The following SP6 variants were observed in gnomAD, a reference collection of about 807,000 sequenced individuals.
SP6 encodes Sp6 transcription factor.
A neutral mutation model predicts 23.4 loss-of-function variants in SP6; 10 were observed. The ratio of observed to expected loss-of-function variants is 0.43; its 90% CI spans 0.26 to 0.72. SP6 has a LOEUF of 0.72. Ranked by LOEUF, SP6 falls within the 30% of genes least tolerant of loss-of-function variation. The pLI is 0.23. For missense variants in SP6, 482 were observed against 523.8 expected (o/e 0.92, Z 0.78); for synonymous variants, 238 against 238.7 (o/e 1.00, Z 0.03).
Position 47,848,187 on chromosome 17 carries a change from C to T in SP6, c.243G>A (p.Leu81=). Residue 81 remains leucine (L), a synonymous_variant, in exon 2 of 2, where the codon CTG becomes CTA. Coordinates refer to ENST00000536300, the MANE Select transcript of SP6 (RefSeq NM_001258248.2). This position sits in a 1 kb window ranked among gnomAD's most constrained non-coding sequence, Gnocchi z 5.3. ...CCGGGGCCAAGGGACTGTCGCTTTC[C>T]AGGTCCTCGCAGGTTACCCGCGAGG... ...GASSRVTCED[L]ESDSPLAPGP... is the part of the protein sequence containing the mutation. The T allele has an allele frequency of 1.9e-6, 3 of 1,613,098 alleles. No individual in the cohort carries two copies. The highest frequency in any genetic ancestry group is 2.5e-6 in the Non-Finnish European group (3 of 1,179,970).
At position 47,850,844 on chromosome 17, in the gene SP6, G is replaced by C. The variant is rs1266773683; in HGVS notation, c.-58+75C>G. 2.0e-5 allele frequency: 3 copies of C among 152,258 alleles called. No homozygotes were observed. In the East Asian group the frequency reaches 5.8e-4, roughly 29 times the overall value. 9.4% of individuals were successfully genotyped at this position (152,258 alleles called of 1,614,324 possible). ...CGCTCCCAAGGCCATAGGAGGCTGG[G>C]GCGCGTTCGGAGTGCGTTTTTTCGA... On this transcript the variant is annotated intron_variant, in intron 1 of 1. Coordinates refer to ENST00000536300, the MANE Select transcript of SP6 (RefSeq NM_001258248.2).
At chr17:47,857,879 CT>C (rs2034009572), upstream of SP6, among the ~76,000 whole-genome samples, 1 of 152,112 alleles carries the variant, frequency 6.6e-6, no homozygotes, top group South Asian at 2.1e-4. Context: ...ATTCAAGCCC[CT>C]CTCTCTTGAT....
the SP6 span, among the ~76,000 whole-genome samples, chr17:47,873,350 A>G: frequency 2.0e-5 from 3 of 152,164 alleles, no homozygotes; most frequent in African/African-American, 7.2e-5. Flanking sequence ...AAGAGCCCAA[A>G]GTACAGATGG....
At chr17:47,856,274 C>T (rs2033998371), upstream of SP6, among the ~76,000 whole-genome samples, 1 of 152,192 alleles carries the variant, frequency 6.6e-6, no homozygotes, top group African/African-American at 2.4e-5. Context: ...CAACTTGGAT[C>T]CCCCAAGAGG....
At chr17:47,863,629 C>T in the SP6 span, among the ~76,000 whole-genome samples, 5 of 141,076 alleles carry the variant, frequency 3.5e-5, no homozygotes, top group South Asian at 2.3e-4. Flanking sequence ...AGTGCAATGG[C>T]GCCATCTCCG....
At chr17:47,857,557 A>T (rs570250848), upstream of SP6, among the ~76,000 whole-genome samples, 14 of 152,240 alleles carry the variant, frequency 9.2e-5, no homozygotes, top group African/African-American at 3.4e-4. Flanking sequence ...CTTCAGGCCC[A>T]CACACCTTCC....
the SP6 span, among the ~76,000 whole-genome samples, chr17:47,875,821 T>G: frequency 6.6e-6 from 1 of 152,212 alleles, no homozygotes; most frequent in Non-Finnish European, 1.5e-5. Context: ...CTCCTTTAAC[T>G]GTGGCTCTTC....
chr17:47,858,626 C>G (rs57948485), upstream of SP6, among the ~76,000 whole-genome samples: 5,111 of 152,204 alleles, frequency 0.034, 280 homozygotes, highest in African/African-American at 0.12. Flanking sequence ...GAAATGGGCA[C>G]TGGTCTGTGG....
At chr17:47,875,243 CG>C in the SP6 span, among the ~76,000 whole-genome samples, 1 of 152,240 alleles carries the variant, frequency 6.6e-6, no homozygotes, top group African/African-American at 2.4e-5. Flanking sequence ...CCTGCTTCCC[CG>C]GGGGGGCCTG....
chr17:47,850,165 C>T (rs1390252898), intron 1 of SP6, among the ~76,000 whole-genome samples: 1 of 152,180 alleles, frequency 6.6e-6, no homozygotes, highest in African/African-American at 2.4e-5. Flanking sequence ...GGAACTGCCC[C>T]AGGGGCTGGA....
upstream of SP6, among the ~76,000 whole-genome samples, chr17:47,858,826 G>A (rs2034016390): frequency 7.5e-6 from 1 of 132,770 alleles, no homozygotes; most frequent in Non-Finnish European, 1.5e-5. Flanking sequence ...CCAGACTGGA[G>A]TGCAGTGGCG....
chr17:47,866,822 G>A, the SP6 span, among the ~76,000 whole-genome samples: 1 of 152,124 alleles, frequency 6.6e-6, no homozygotes, highest in East Asian at 1.9e-4. Context: ...CAATTCCTCT[G>A]GTGGCCATTG....
the SP6 span, among the ~76,000 whole-genome samples, chr17:47,861,423 G>A: frequency 2.6e-5 from 4 of 152,202 alleles, no homozygotes; most frequent in African/African-American, 4.8e-5. Context: ...TCTTTCAAGT[G>A]CCTAGAGTAT....
chr17:47,861,604 G>A, the SP6 span, among the ~76,000 whole-genome samples: 35 of 152,216 alleles, frequency 2.3e-4, no homozygotes, highest in South Asian at 4.2e-4. Flanking sequence ...ATGGCGGTGC[G>A]CGCCTGTAGT....
upstream of SP6, among the ~76,000 whole-genome samples, chr17:47,854,530 C>T (rs1179544677): frequency 6.6e-6 from 1 of 152,094 alleles, no homozygotes; most frequent in African/African-American, 2.4e-5. Context: ...AGTCTGGCTC[C>T]CCTAGAGCCT....
rs1294658783 is a variant in SP6, at chr17:47,847,604, G to A, written c.826C>T (p.Arg276Cys). The change falls in exon 2 of 2, where the codon CGC (arginine) becomes TGC (cysteine). Residue 276 changes from arginine (R) to cysteine (C), a missense_variant. Coordinates refer to ENST00000536300, the MANE Select transcript of SP6 (RefSeq NM_001258248.2). Reference protein sequence around the residue: ...AKTSHLKAHLRWHSGDRPFVC... With the variant: ...AKTSHLKAHLCWHSGDRPFVC... ...AAGGGACGGTCGCCGCTGTGCCAGC[G>A]CAGGTGCGCCTTCAGGTGCGACGTC... The A allele has an allele frequency of 9.9e-6, 16 of 1,613,502 alleles. No homozygotes were observed. Among genetic ancestry groups the A allele is most frequent in the Non-Finnish European group, 1.3e-5 (15 of 1,179,958 alleles).
upstream of SP6, among the ~76,000 whole-genome samples, chr17:47,858,767 CTTTTTTTTT>C (rs36092685): frequency 2.9e-4 from 27 of 92,666 alleles, 1 homozygote; most frequent in Middle Eastern, 8.8e-3. Context: ...GATGAAGCAT[CTTTTTTTTT>C]TTTTTTTTTT....
At chr17:47,874,231 C>T in the SP6 span, among the ~76,000 whole-genome samples, 9 of 152,144 alleles carry the variant, frequency 5.9e-5, no homozygotes, top group East Asian at 1.9e-4. Flanking sequence ...GGAGTACAGG[C>T]GTGCACCACC....
At chr17:47,866,200 G>C in the SP6 span, among the ~76,000 whole-genome samples, 1 of 152,142 alleles carries the variant, frequency 6.6e-6, no homozygotes, top group African/African-American at 2.4e-5. Flanking sequence ...ACATTCACAA[G>C]CACCCAGAAG....
Sources: gnomAD v4.1 joint callset for allele counts (sites outside exome capture counted in the v4.1 genomes callset) on GRCh38, gnomAD v4.1.1 for gene constraint, Gnocchi (gnomAD v3.1) non-coding constraint, MANE v1.5 for transcripts, NCBI Gene and HGNC (gene_info 2026-07-23, HGNC 2026-07-21) for gene names.